The following ZFHX3 variants were observed in gnomAD, a reference collection of about 807,000 sequenced individuals.
The protein encoded by ZFHX3 is zinc finger homeobox protein 3.
ZFHX3 carries 42 observed loss-of-function variants against 279.1 expected under a neutral mutation model. The observed-to-expected ratio is 0.15, with a 90% CI of 0.12 to 0.19. The LOEUF is 0.19. ZFHX3 is among the 10% of genes least tolerant of loss of function. The pLI is 1.00. For synonymous variants in ZFHX3, 2,293 were observed against 1,957.8 expected, an observed-to-expected ratio of 1.17 and a Z score of -4.52; for missense variants, 4,981 against 4,754.0, an observed-to-expected ratio of 1.05 and a Z score of -1.40.
Position 72,794,710 on chromosome 16 carries a change from G to A in ZFHX3, c.7972C>T (p.Gln2658Ter), listed in dbSNP as rs2035837532. Residue 2658 changes from glutamine to a stop codon, truncating the protein, a stop_gained, in exon 9 of 10, where the codon CAG becomes TAG. Transcript: ENST00000268489. LOFTEE classifies it high-confidence loss of function. This position sits in a 1 kb window ranked among gnomAD's most constrained non-coding sequence, Gnocchi z 4.2. ...ITPEQLEILY[Q>*]KYLLDSNPTR... ...GGATTGGAATCCAGTAGATACTTCT[G>A]GTAGAGAATTTCTAGTTGTTCCGGT... is the stretch of plus-strand genomic sequence containing the variant. 6.2e-7 allele frequency: 1 copy of A among 1,614,080 alleles called. No individual in the cohort carries two copies. Among genetic ancestry groups the A allele is most frequent in the Non-Finnish European group, 8.5e-7 (1 of 1,180,046 alleles).
chr16:72,901,918 C>G (rs966659767), intron 3 of ZFHX3, among the ~76,000 whole-genome samples: 2 of 151,936 alleles, frequency 1.3e-5, no homozygotes, highest in Non-Finnish European at 2.9e-5. Flanking sequence ...CTTCCCCCAC[C>G]CCCTTTTTAA....
chr16:72,995,134 A>C (rs1292976534), intron 1 of ZFHX3, among the ~76,000 whole-genome samples: 5 of 152,116 alleles, frequency 3.3e-5, no homozygotes, highest in Non-Finnish European at 7.4e-5. Flanking sequence ...CCTTCTCCAA[A>C]ATGGGATGGT....
Position 72,796,664 on chromosome 16 carries a change from A to G in ZFHX3, c.6018T>C (p.His2006=), listed in dbSNP as rs200364141. 4.3e-6 allele frequency: 7 copies of G among 1,614,062 alleles called. No individual in the cohort carries two copies. The East Asian group carries it at 1.6e-4, about 36-fold the overall frequency. The change falls in exon 9 of 10, where the codon CAT becomes CAC. Residue 2006 remains histidine (H), a synonymous_variant. Coordinates refer to ENST00000268489, the MANE Select transcript of ZFHX3 (RefSeq NM_006885.4). ...GCTGTTTGAAAGGAAAGTAATTCTG[A>G]TGAACGTGCTCTTGATGACTCTTTA... ...LILKSHQEHV[H]QNYFPFKQLE...
intron 4 of ZFHX3, among the ~76,000 whole-genome samples, chr16:73,303,913 T>G (rs972249309): frequency 7.8e-6 from 1 of 128,922 alleles, no homozygotes; most frequent in South Asian, 2.4e-4. Context: ...TGGCTCTGAA[T>G]CACTAAGTGA....
chr16:73,816,775 A>G (rs1413307998), intron 1 of ZFHX3, among the ~76,000 whole-genome samples: 2 of 152,192 alleles, frequency 1.3e-5, no homozygotes, highest in African/African-American at 4.8e-5. Context: ...GGATGGTTTG[A>G]AGTAACGAAG....
chr16:72,808,395 A>T (rs150614902), intron 7 of ZFHX3, among the ~76,000 whole-genome samples: 1 of 152,198 alleles, frequency 6.6e-6, no homozygotes, highest in Non-Finnish European at 1.5e-5. Flanking sequence ...GTTTGGCTCA[A>T]TGCAAACTAT....
At chr16:73,105,565 C>A (rs775052610) in intron 7 of ZFHX3, among the ~76,000 whole-genome samples, 2 of 151,592 alleles carry the variant, frequency 1.3e-5, no homozygotes, top group African/African-American at 2.4e-5. Flanking sequence ...CCCGCCTGGC[C>A]AACATGGCAA....
In ZFHX3 at chr16:72,852,390, G is replaced by A. The variant is rs142040349; in HGVS notation, c.3449-22531C>T. Among the ~76,000 whole-genome samples, 202 of 152,218 alleles carry A rather than the reference G, an allele frequency of 1.3e-3. 4 individuals carry two copies. The East Asian group carries it at 0.031, about 23-fold the overall frequency. ...TCTATTTCTAGATTAAAAGTGGAGC[G>A]CACTCCTCAGAGAGCCTCCCTTGAG... On this transcript the variant is annotated intron_variant, in intron 4 of 9. Coordinates refer to ENST00000268489, the MANE Select transcript of ZFHX3 (RefSeq NM_006885.4).
intron 2 of ZFHX3, among the ~76,000 whole-genome samples, chr16:73,574,787 C>T (rs2051782567): frequency 6.6e-6 from 1 of 152,150 alleles, no homozygotes; most frequent in African/African-American, 2.4e-5. Flanking sequence ...ACGTCATTCT[C>T]CTGCTTCAAC....
chr16:72,919,539 T>A (rs988621512), intron 3 of ZFHX3, among the ~76,000 whole-genome samples: 3 of 151,524 alleles, frequency 2.0e-5, no homozygotes, highest in African/African-American at 7.3e-5. Flanking sequence ...GGTGGTATCT[T>A]TATTTTTAAG....
At position 72,788,423 on chromosome 16, in the gene ZFHX3, G is replaced by A; in HGVS notation, c.9853C>T (p.Pro3285Ser). ...PLPTMEYAVD[P>S]AQLQALQAAL... ...GCCTGCAGGGCCTGCAGCTGTGCAG[G>A]GTCTACCGCATACTCCATGGTGGGC... Residue 3285 changes from proline to serine, a missense_variant, in exon 10 of 10, where the codon CCT becomes TCT. Coordinates refer to ENST00000268489, the MANE Select transcript of ZFHX3 (RefSeq NM_006885.4). The A allele has an allele frequency of 6.2e-7, 1 of 1,614,218 alleles. No individual in the cohort carries two copies. Among genetic ancestry groups the A allele is most frequent in the South Asian group, 1.1e-5 (1 of 91,086 alleles).
At position 72,958,206 on chromosome 16, in the gene ZFHX3, G is replaced by A. The variant is rs369134383; in HGVS notation, c.1940C>T (p.Thr647Met). Residue 647 changes from threonine (T) to methionine (M), a missense_variant, in exon 2 of 10, where the codon ACG (threonine) becomes ATG (methionine). By Grantham distance (81) the Thr-to-Met change is moderately conservative. This residue lies in a region of ZFHX3 where 1,068 missense variants were observed against 935.2 expected (regional missense o/e 1.14). Coordinates refer to ENST00000268489, the MANE Select transcript of ZFHX3 (RefSeq NM_006885.4). ...CAGCGAGCGGGAGGAGCCCAGGACC[G>A]TGTCGCATTTGGGGCACTCCACGCC... ...GSGVECPKCD[T>M]VLGSSRSLGG... 30 of 1,611,780 alleles carry A rather than the reference G, an allele frequency of 1.9e-5. No individual in the cohort carries two copies. Among genetic ancestry groups the A allele is most frequent in the African/African-American group, 2.7e-5 (2 of 74,888 alleles).
chr16:73,081,460 T>C (rs1399790327), intron 8 of ZFHX3: 2 of 152,196 alleles, frequency 1.3e-5, no homozygotes, highest in African/African-American at 2.4e-5. Flanking sequence ...GGTTTCTCCA[T>C]GTTGGTCAGG....
At chr16:73,398,549 G>T (rs983470339) in intron 3 of ZFHX3, among the ~76,000 whole-genome samples, 6 of 152,158 alleles carry the variant, frequency 3.9e-5, no homozygotes, top group Admixed American at 6.5e-5. Flanking sequence ...TATTATTGTG[G>T]AAGTCAGGGT....
At chr16:73,745,718 T>G (rs1294561377) in intron 1 of ZFHX3, among the ~76,000 whole-genome samples, 1 of 152,218 alleles carries the variant, frequency 6.6e-6, no homozygotes, top group Non-Finnish European at 1.5e-5. Context: ...AAGCATGATC[T>G]ACTTTCCTGT....
intron 5 of ZFHX3, among the ~76,000 whole-genome samples, chr16:73,168,125 T>C (rs921111390): frequency 2.0e-5 from 3 of 152,212 alleles, no homozygotes; most frequent in African/African-American, 7.2e-5. Flanking sequence ...GAATTCATAG[T>C]TCTTTTCATT....
chr16:73,469,561 A>AT (rs1247460515), intron 2 of ZFHX3, among the ~76,000 whole-genome samples: 3 of 152,140 alleles, frequency 2.0e-5, no homozygotes, highest in Admixed American at 6.5e-5. Flanking sequence ...GCTGATGCCC[A>AT]TTGAAATCAC....
intron 2 of ZFHX3, among the ~76,000 whole-genome samples, chr16:73,588,197 A>G (rs1306668122): frequency 1.3e-5 from 2 of 152,230 alleles, no homozygotes; most frequent in African/African-American, 4.8e-5. Flanking sequence ...TAGCAACTAT[A>G]TTAAAACTGA....
At chr16:73,063,444 T>C (rs1965710865), upstream of ZFHX3, among the ~76,000 whole-genome samples, 1 of 152,156 alleles carries the variant, frequency 6.6e-6, no homozygotes, top group Non-Finnish European at 1.5e-5. Context: ...CAGTTCCCTT[T>C]TCTGGTAGAG....
Sources: gnomAD v4.1 joint callset for allele counts (sites outside exome capture counted in the v4.1 genomes callset) on GRCh38, gnomAD v4.1.1 for gene constraint, gnomAD v4.1.1 regional missense constraint, Gnocchi (gnomAD v3.1) non-coding constraint, MANE v1.5 for transcripts, NCBI Gene and HGNC (gene_info 2026-07-23, HGNC 2026-07-21) for gene names.